CTSH: variants seen among roughly 807,000 people sequenced by gnomAD.
CTSH encodes cathepsin H.
In CTSH, 52 loss-of-function variants were observed where a neutral mutation model predicts 56.3. The ratio of observed to expected loss-of-function variants is 0.92; its 90% CI spans 0.74 to 1.16. The LOEUF is 1.16. Ranked by LOEUF, CTSH falls within the 50% of genes most tolerant of loss-of-function variation. CTSH has a pLI of 0.00. For missense variants in CTSH, 406 were observed against 424.5 expected, an observed-to-expected ratio of 0.96 and a Z score of 0.38; for synonymous variants, 174 against 155.7, an observed-to-expected ratio of 1.12 and a Z score of -0.88.
In CTSH at chr15:78,922,866, C is replaced by G. The variant is rs1469489886; in HGVS notation, c.932+127G>C. ...TTCTCATGCTCCCTTTCCCCCTGGC[C>G]TGGCCTAGGGCTTGGCTGACCAGCT... On this transcript the variant is annotated intron_variant, in intron 11 of 11. Transcript: ENST00000220166. The G allele has an allele frequency of 1.4e-5, 16 of 1,174,874 alleles. No individual in the cohort carries two copies. The East Asian group carries it at 4.1e-4, about 30-fold the overall frequency. 72.8% of individuals were successfully genotyped at this position (1,174,874 alleles called of 1,614,324 possible).
At chr15:78,935,890 T>G in intron 3 of CTSH, 140 bp from the exon 4 acceptor site, 1 of 612,168 alleles carries the variant, frequency 1.6e-6, no homozygotes, top group Non-Finnish European at 2.9e-6. Flanking sequence ...GTTTTTGTAT[T>G]TAATATAATT....
Position 78,929,467 on chromosome 15 carries a change from T to C in CTSH, c.575A>G (p.Tyr192Cys), listed in dbSNP as rs1216534756. ...CATGATCCCCTTGTTGTACAGGATA[T>C]ACTCGAAAGCCTGGCTGGGGAGACC... ...QGGLPSQAFE[Y>C]ILYNKGIMGE... Residue 192 changes from tyrosine to cysteine, a missense_variant, in exon 8 of 12, where the codon TAT becomes TGT. Transcript: ENST00000220166. 2 of 1,611,668 alleles carry C rather than the reference T, an allele frequency of 1.2e-6. No homozygotes were observed. Among genetic ancestry groups the C allele is most frequent in the African/African-American group, 2.7e-5 (2 of 74,952 alleles).
chr15:78,927,508 AGGGCCTGCC>A, intron 9 of CTSH, 196 bp downstream of exon 9: 2 of 563,870 alleles, frequency 3.5e-6, no homozygotes, highest in Admixed American at 3.1e-5. Context: ...TCAGAACCAG[AGGGCCTGCC>A]TGCCAGTTTG....
chr15:78,932,134 AG>A, intron 6 of CTSH: 1 of 1,120,910 alleles, frequency 8.9e-7, no homozygotes, highest in Non-Finnish European at 1.2e-6. Context: ...TGTCAAGCTA[AG>A]GACCACCCAG....
chr15:78,927,580 G>A (rs1378147241), intron 9 of CTSH, 133 bp downstream of exon 9: 2 of 760,000 alleles, frequency 2.6e-6, no homozygotes, highest in African/African-American at 1.7e-5. Flanking sequence ...TGAGACCCAG[G>A]GATAATATGA....
At chr15:78,936,486 C>T (rs1287586542) in intron 3 of CTSH, among the ~76,000 whole-genome samples, 1 of 152,090 alleles carries the variant, frequency 6.6e-6, no homozygotes, top group Non-Finnish European at 1.5e-5. Context: ...TGTTAGCATC[C>T]CTGGAGGTCA....
At chr15:78,941,699 G>C (rs1036016123) in intron 1 of CTSH, among the ~76,000 whole-genome samples, 1 of 151,802 alleles carries the variant, frequency 6.6e-6, no homozygotes, top group Non-Finnish European at 1.5e-5. Context: ...AGGAGGCTGA[G>C]GCAGGAGAAT....
Position 78,939,519 on chromosome 15 carries a change from C to T in CTSH, c.92-348G>A, listed in dbSNP as rs146556836. 1.3e-3 allele frequency among the ~76,000 whole-genome samples: 205 copies of T among 152,264 alleles called. 1 individual carries two copies. The highest frequency in any genetic ancestry group is 4.8e-3 in the African/African-American group (201 of 41,554). On this transcript the variant is annotated intron_variant, in intron 1 of 11. Coordinates refer to ENST00000220166, the MANE Select transcript of CTSH (RefSeq NM_004390.5). Reference sequence around the variant, plus strand: ...TGAGTGTGTTTAGATTGAGAAAATTCGTGGAAATGCATACTCAATGATTTG... The same window carrying T: ...TGAGTGTGTTTAGATTGAGAAAATTTGTGGAAATGCATACTCAATGATTTG...
At chr15:78,943,363 G>A (rs1233123611) in intron 1 of CTSH, among the ~76,000 whole-genome samples, 1 of 151,922 alleles carries the variant, frequency 6.6e-6, no homozygotes, top group African/African-American at 2.4e-5. Flanking sequence ...TGAGTACCTG[G>A]GATTACAGGC....
chr15:78,921,767 C>CA lies in CTSH; in HGVS notation c.*362dup, dbSNP rs764091689. ...GTCATGGCCCAGGACCAGCATGCTC[C>CA]ATCTGGGGAGGTGCTCACTCAATGT... On this transcript the variant is annotated 3_prime_UTR_variant, in exon 12 of 12. Transcript: ENST00000220166. 71 of 212,530 alleles carry CA rather than the reference C, an allele frequency of 3.3e-4. No homozygotes were observed. Among genetic ancestry groups the CA allele is most frequent in the Non-Finnish European group, 5.0e-4 (53 of 105,782 alleles). 13.2% of individuals were successfully genotyped at this position (212,530 alleles called of 1,614,324 possible). A position where few individuals can be genotyped will look rare whatever the true frequency, so the allele number is the denominator to read the frequency against.
At position 78,931,482 on chromosome 15, in the gene CTSH, C is replaced by T. The variant is rs1158014802; in HGVS notation, c.517G>A (p.Ala173Thr). 51 of 1,614,078 alleles carry T rather than the reference C, an allele frequency of 3.2e-5. 1 individual carries two copies. The highest frequency in any genetic ancestry group is 4.0e-5 in the Non-Finnish European group (47 of 1,180,046). The change falls in exon 7 of 12, where the codon GCC (alanine) becomes ACC (threonine). Residue 173 changes from alanine to threonine, a missense_variant. By Grantham distance (58) the Ala-to-Thr change is moderately conservative. Coordinates refer to ENST00000220166, the MANE Select transcript of CTSH (RefSeq NM_004390.5). ...SLAEQQLVDCAQDFNNHGCQG... is the reference protein window; with the variant it reads ...SLAEQQLVDCTQDFNNHGCQG... ...CAGCCGTGATTATTGAAGTCCTGGG[C>T]GCAGTCCACCAGCTGCTGTTCCGCC...
Position 78,945,028 on chromosome 15 carries a change from G to C in CTSH, c.-47C>G. The C allele has an allele frequency of 6.9e-7, 1 of 1,441,608 alleles. No individual in the cohort carries two copies. Among genetic ancestry groups the C allele is most frequent in the Non-Finnish European group, 9.2e-7 (1 of 1,089,864 alleles). 89.3% of individuals were successfully genotyped at this position (1,441,608 alleles called of 1,614,324 possible). ...CTTGCGCTCAGGGTCCGCGGAGGTG[G>C]CGGCCCAGAGCGTCAACTGGGAGCG... On this transcript the variant is annotated 5_prime_UTR_variant, in exon 1 of 12. Transcript: ENST00000220166.
intron 5 of CTSH, among the ~76,000 whole-genome samples, chr15:78,934,123 C>T (rs1316000376): frequency 6.6e-6 from 1 of 152,234 alleles, no homozygotes; most frequent in Non-Finnish European, 1.5e-5. Flanking sequence ...GGGAGGTTTG[C>T]TTTGGCTCCT....
At chr15:78,937,741 G>T (rs1392105560) in intron 2 of CTSH, 26 of 1,335,658 alleles carry the variant, frequency 1.9e-5, no homozygotes, top group Non-Finnish European at 2.6e-5. Flanking sequence ...CAAGTTTACA[G>T]CAAAGATCAC....
Position 78,935,712 on chromosome 15 carries a change from T to C in CTSH, c.268A>G (p.Ile90Val). Residue 90 changes from isoleucine (I) to valine (V), a missense_variant, in exon 4 of 12, where the codon ATA (isoleucine) becomes GTA (valine). Ile to Val is a conservative substitution (Grantham distance 29). Coordinates refer to ENST00000220166, the MANE Select transcript of CTSH (RefSeq NM_004390.5). ...NQFSDMSFAE[I>V]KHKYLWSEPQ... Reference sequence around the variant, plus strand: ...TCTGACCAGAGATACTTGTGTTTTATTTCAGCAAAGCTCATGTCTGAAAAT... The same window carrying C: ...TCTGACCAGAGATACTTGTGTTTTACTTCAGCAAAGCTCATGTCTGAAAAT... 6.2e-7 allele frequency: 1 copy of C among 1,611,758 alleles called. No individual in the cohort carries two copies. The highest frequency in any genetic ancestry group is 8.5e-7 in the Non-Finnish European group (1 of 1,178,010).
At chr15:78,928,895 G>A (rs1405513996) in intron 8 of CTSH, among the ~76,000 whole-genome samples, 1 of 152,180 alleles carries the variant, frequency 6.6e-6, no homozygotes, top group Non-Finnish European at 1.5e-5. Flanking sequence ...GGAGGCCAGT[G>A]CTGCTCATCA....
At chr15:78,933,191 A>AGCCT (rs2055103531) in intron 5 of CTSH, among the ~76,000 whole-genome samples, 1 of 152,224 alleles carries the variant, frequency 6.6e-6, no homozygotes, top group African/African-American at 2.4e-5. Flanking sequence ...GGGGGGCTGC[A>AGCCT]GCCTGCCTGC....
intron 1 of CTSH, among the ~76,000 whole-genome samples, chr15:78,942,507 C>G (rs2055317461): frequency 6.6e-6 from 1 of 152,248 alleles, no homozygotes; most frequent in African/African-American, 2.4e-5. Flanking sequence ...GCCCCCACGC[C>G]TGGCCTCACT....
At position 78,935,001 on chromosome 15, in the gene CTSH, A is replaced by T. The variant is rs751197826; in HGVS notation, c.382T>A (p.Phe128Ile). 3.1e-6 allele frequency: 5 copies of T among 1,613,858 alleles called. No individual in the cohort carries two copies. Among genetic ancestry groups the T allele is most frequent in the Middle Eastern group, 3.3e-4 (2 of 6,062 alleles). The change falls in exon 5 of 12, where the codon TTT becomes ATT. Residue 128 changes from phenylalanine (F) to isoleucine (I), a missense_variant. Physicochemically the swap from Phe to Ile is conservative, Grantham distance 21 (BLOSUM62 0). Transcript: ENST00000220166. ...ACCTGATTTTTCACAGGTGAGACAA[A>T]ATTTCCTTTTTTCCGCCAGTCCACG... is the stretch of plus-strand genomic sequence containing the variant. ...PSVDWRKKGN[F>I]VSPVKNQGAC...
Sources: gnomAD v4.1 joint callset for allele counts (sites outside exome capture counted in the v4.1 genomes callset) on GRCh38, gnomAD v4.1.1 for gene constraint, MANE v1.5 for transcripts, NCBI Gene and HGNC (gene_info 2026-07-23, HGNC 2026-07-21) for gene names.